C1D: variants seen among roughly 807,000 people sequenced by gnomAD.
C1D encodes the protein nuclear nucleic acid-binding protein C1D.
Under a neutral mutation model 17.5 loss-of-function variants are expected in C1D, and 10 were observed. The ratio of observed to expected loss-of-function variants is 0.57; its 90% CI spans 0.35 to 0.97. The LOEUF (loss-of-function observed/expected upper bound fraction) is 0.97. C1D is among the 50% of genes least tolerant of loss of function. C1D has a pLI of 0.01. For synonymous variants in C1D, 49 were observed against 54.0 expected (o/e 0.91, Z 0.40); for missense variants, 136 against 160.1 (o/e 0.85, Z 0.81).
intron 1 of C1D, among the ~76,000 whole-genome samples, chr2:68,047,984 T>A (rs532604113): frequency 3.9e-5 from 6 of 152,200 alleles, no homozygotes; most frequent in Middle Eastern, 3.4e-3. Context: ...AAAGTAAAAA[T>A]CTTAGGTCTA....
Position 68,046,126 on chromosome 2 carries a change from A to G in C1D, c.206-83T>C, listed in dbSNP as rs922496975. 8 of 1,012,874 alleles carry G rather than the reference A, an allele frequency of 7.9e-6. No individual in the cohort carries two copies. The Middle Eastern group carries it at 1.6e-3, about 197-fold the overall frequency. 62.7% of individuals were successfully genotyped at this position (1,012,874 alleles called of 1,614,324 possible). A position where few individuals can be genotyped will look rare whatever the true frequency, so the allele number is the denominator to read the frequency against. On this transcript the variant is annotated intron_variant, in intron 3 of 4. Transcript: ENST00000410067. ...AATTAAAGAAACTAGTTATTCACAAAAAAGGAAAGTCCTACAAACAATTAA... is the reference window on the plus strand; with the variant it reads ...AATTAAAGAAACTAGTTATTCACAAGAAAGGAAAGTCCTACAAACAATTAA...
chr2:68,045,187 T>C (rs2103793195), intron 4 of C1D, among the ~76,000 whole-genome samples: 1 of 152,288 alleles, frequency 6.6e-6, no homozygotes, highest in East Asian at 1.9e-4. Flanking sequence ...TACTAAGCTG[T>C]AAATAACATA....
chr2:68,047,535 A>T (rs1367279107), intron 1 of C1D, among the ~76,000 whole-genome samples: 1 of 152,176 alleles, frequency 6.6e-6, no homozygotes, highest in East Asian at 1.9e-4. Flanking sequence ...AACCAACCGA[A>T]GCCCACTAAT....
At chr2:68,053,176 C>A in intron 1 of C1D, 1 of 1,550,472 alleles carries the variant, frequency 6.4e-7, no homozygotes, top group Non-Finnish European at 8.7e-7. Flanking sequence ...CATGAGAAAA[C>A]TTGCTTCTCT....
chr2:68,062,025 C>A (rs1671645029), intron 1 of C1D, among the ~76,000 whole-genome samples: 1 of 152,106 alleles, frequency 6.6e-6, no homozygotes, highest in African/African-American at 2.4e-5. Flanking sequence ...GTTTTTGAAT[C>A]AAAAATACAG....
chr2:68,054,583 G>C (rs1218532285), intron 1 of C1D, among the ~76,000 whole-genome samples: 5 of 151,984 alleles, frequency 3.3e-5, no homozygotes, highest in African/African-American at 1.2e-4. Flanking sequence ...TTTAATCATA[G>C]CTTCAAAATA....
Position 68,041,704 on chromosome 2 carries a change from A to G in C1D, c.*1185T>C, listed in dbSNP as rs1670963088. On this transcript the variant is annotated 3_prime_UTR_variant, in exon 5 of 5. Coordinates refer to ENST00000410067, the MANE Select transcript of C1D (RefSeq NM_173177.3). Reference sequence around the variant, plus strand: ...TCTGCTATCATAAATCAAGAAATCCATTTATTCAAGGTTACTTATGGAGAA... The same window carrying G: ...TCTGCTATCATAAATCAAGAAATCCGTTTATTCAAGGTTACTTATGGAGAA... The G allele has an allele frequency of 6.6e-6, 1 of 151,998 alleles. No individual in the cohort carries two copies. Among genetic ancestry groups the G allele is most frequent in the Admixed American group, 6.6e-5 (1 of 15,266 alleles). 9.4% of individuals were successfully genotyped at this position (151,998 alleles called of 1,614,324 possible).
At chr2:68,055,073 A>C (rs1671401192) in intron 1 of C1D, among the ~76,000 whole-genome samples, 1 of 151,962 alleles carries the variant, frequency 6.6e-6, no homozygotes, top group South Asian at 2.1e-4. Context: ...GCTTATTTTG[A>C]TTATCAGGTT....
rs1670984745 is a variant in C1D at position 68,042,460 on chromosome 2, A to T, written c.*429T>A. ...ACAGAAAAAAATGAACATTTAAGTC[A>T]TTTCACGCTTTCTTAATATCATATA... On this transcript the variant is annotated 3_prime_UTR_variant, in exon 5 of 5. Coordinates refer to ENST00000410067, the MANE Select transcript of C1D (RefSeq NM_173177.3). 6.5e-6 allele frequency: 1 copy of T among 153,344 alleles called. No homozygotes were observed. Among genetic ancestry groups the T allele is most frequent in the Non-Finnish European group, 1.5e-5 (1 of 68,524 alleles). The allele number at this position is 153,344 out of a possible 1,614,324, so 9.5% of individuals were successfully genotyped here.
chr2:68,049,406 C>A (rs545934489), intron 1 of C1D, among the ~76,000 whole-genome samples: 1 of 152,250 alleles, frequency 6.6e-6, no homozygotes, highest in East Asian at 1.9e-4. Context: ...GGATATACTG[C>A]AAAGAAGACT....
chr2:68,062,149 A>C (rs918391410), intron 1 of C1D, among the ~76,000 whole-genome samples: 4 of 152,232 alleles, frequency 2.6e-5, no homozygotes, highest in African/African-American at 9.6e-5. Flanking sequence ...CTGTATCAAA[A>C]CATCTCGTGT....
intron 1 of C1D, among the ~76,000 whole-genome samples, chr2:68,058,221 C>T (rs569991346): frequency 6.6e-6 from 1 of 152,320 alleles, no homozygotes; most frequent in Non-Finnish European, 1.5e-5. Flanking sequence ...TTTAATTAGC[C>T]TCCATGATAG....
At chr2:68,052,971 C>A in intron 1 of C1D, 3 of 1,479,958 alleles carry the variant, frequency 2.0e-6, no homozygotes, top group Non-Finnish European at 9.1e-7. Context: ...TTCATCTAAA[C>A]CTCACAGATG....
chr2:68,058,131 C>CA (rs370450332), intron 1 of C1D, among the ~76,000 whole-genome samples: 192 of 152,332 alleles, frequency 1.3e-3, no homozygotes, highest in African/African-American at 4.3e-3. Context: ...GCACTTATTG[C>CA]AAAATGTCAT....
intron 2 of C1D, among the ~76,000 whole-genome samples, chr2:68,046,817 A>G (rs1671136262): frequency 6.6e-6 from 1 of 152,204 alleles, no homozygotes; most frequent in South Asian, 2.1e-4. Flanking sequence ...AAACATAATG[A>G]GATTTGTTTT....
chr2:68,041,802 A>C lies in C1D; in HGVS notation c.*1087T>G, dbSNP rs1670965133. 1 of 152,042 alleles carries C rather than the reference A, an allele frequency of 6.6e-6. No homozygotes were observed. The highest frequency in any genetic ancestry group is 1.5e-5 in the Non-Finnish European group (1 of 67,884). 9.4% of individuals were successfully genotyped at this position (152,042 alleles called of 1,614,324 possible). A position where few individuals can be genotyped will look rare whatever the true frequency, so the allele number is the denominator to read the frequency against. On this transcript the variant is annotated 3_prime_UTR_variant, in exon 5 of 5. Transcript: ENST00000410067. Reference sequence around the variant, plus strand: ...ACTTTACTATACTTGGCATTCCTACACATAATGATATGGATTCAAACACTG... The same window carrying C: ...ACTTTACTATACTTGGCATTCCTACCCATAATGATATGGATTCAAACACTG...
chr2:68,052,037 A>C (rs1364165856), intron 1 of C1D, among the ~76,000 whole-genome samples: 1 of 152,126 alleles, frequency 6.6e-6, no homozygotes, highest in Admixed American at 6.6e-5. Flanking sequence ...ATTCATCGAC[A>C]GGGAAACAGT....
intron 1 of C1D, chr2:68,053,013 T>A (rs1198201369): frequency 1.9e-6 from 3 of 1,542,048 alleles, no homozygotes; most frequent in Non-Finnish European, 1.7e-6. Flanking sequence ...TTAAAGAACA[T>A]GCCTAAAGTT....
At chr2:68,050,895 C>T (rs1401276881) in intron 1 of C1D, among the ~76,000 whole-genome samples, 1 of 152,220 alleles carries the variant, frequency 6.6e-6, no homozygotes, top group Non-Finnish European at 1.5e-5. Context: ...CAGTTTTCAT[C>T]ATTTCATTTC....
Sources: allele counts gnomAD v4.1 joint callset (sites outside exome capture counted in the v4.1 genomes callset), GRCh38; gene constraint gnomAD v4.1.1; transcripts MANE v1.5; gene names NCBI Gene and HGNC (gene_info 2026-07-23, HGNC 2026-07-21).